Variants in GPC6 observed in about 807,000 individuals in gnomAD.
GPC6 encodes the protein glypican-6.
GPC6 carries 14 observed loss-of-function variants against 55.2 expected under a neutral mutation model. The ratio of observed to expected loss-of-function variants is 0.25; its 90% CI spans 0.17 to 0.40. The LOEUF is 0.40. GPC6 is among the 10% of genes least tolerant of loss of function. The pLI, the probability that GPC6 is intolerant of heterozygous loss-of-function variation, is 1.00. For missense variants in GPC6, 641 were observed against 708.5 expected (o/e 0.90, Z 1.08); for synonymous variants, 278 against 259.6 (o/e 1.07, Z -0.68).
chr13:93,281,539 C>T (rs965538208), intron 1 of GPC6, among the ~76,000 whole-genome samples: 8 of 152,144 alleles, frequency 5.3e-5, no homozygotes, highest in Non-Finnish European at 1.2e-4. Context: ...AATGGCTGGG[C>T]GCAGTGGCTT....
intron 2 of GPC6, among the ~76,000 whole-genome samples, chr13:93,826,090 C>T (rs1330230877): frequency 6.6e-6 from 1 of 151,888 alleles, no homozygotes; most frequent in Admixed American, 6.6e-5. Context: ...GAACTCCTGA[C>T]CTCAGGTGAT....
At chr13:93,618,023 A>T (rs1422471538) in intron 2 of GPC6, among the ~76,000 whole-genome samples, 1 of 152,078 alleles carries the variant, frequency 6.6e-6, no homozygotes, top group Non-Finnish European at 1.5e-5. Context: ...TAGGGAAAAA[A>T]TAATGTAGAG....
intron 2 of GPC6, among the ~76,000 whole-genome samples, chr13:93,595,645 G>A (rs561983537): frequency 1.3e-5 from 2 of 152,150 alleles, no homozygotes; most frequent in East Asian, 1.9e-4. Context: ...AAAATCTAAT[G>A]TCCTTCTGAT....
intron 1 of GPC6, among the ~76,000 whole-genome samples, chr13:93,497,762 G>A (rs1348352577): frequency 6.6e-6 from 1 of 152,180 alleles, no homozygotes; most frequent in Non-Finnish European, 1.5e-5. Flanking sequence ...TTTGTACCCT[G>A]TATTAACTGA....
At chr13:93,475,236 A>C (rs563388407) in intron 1 of GPC6, among the ~76,000 whole-genome samples, 11 of 152,334 alleles carry the variant, frequency 7.2e-5, no homozygotes, top group African/African-American at 2.6e-4. Flanking sequence ...AAAAGCAAGA[A>C]CACCTCTATT....
intron 2 of GPC6, among the ~76,000 whole-genome samples, chr13:93,574,071 T>G (rs930892591): frequency 6.6e-6 from 1 of 152,180 alleles, no homozygotes; most frequent in African/African-American, 2.4e-5. Context: ...TTGGTGTGGA[T>G]GTCTTGTAAT....
the GPC6 span, among the ~76,000 whole-genome samples, chr13:93,216,538 C>T: frequency 6.6e-6 from 1 of 151,952 alleles, no homozygotes; most frequent in South Asian, 2.1e-4. Context: ...CACACACACT[C>T]TTGTGTGTGC....
At position 93,654,315 on chromosome 13, in the gene GPC6, G is replaced by A. The variant is rs571684863; in HGVS notation, c.319+108894G>A. 5.3e-5 allele frequency among the ~76,000 whole-genome samples: 8 copies of A among 151,898 alleles called. No homozygotes were observed. The South Asian group carries it at 1.3e-3, about 24-fold the overall frequency. ...GTCGCCCAGGCTGGAGTGCAGTGGC[G>A]CCATCTTGGCTCACTATTATTACTA... is the stretch of plus-strand genomic sequence containing the variant. On this transcript the variant is annotated intron_variant, in intron 2 of 8. Transcript: ENST00000377047.
intron 3 of GPC6, among the ~76,000 whole-genome samples, chr13:93,939,837 A>G (rs1287533401): frequency 3.3e-5 from 5 of 152,156 alleles, no homozygotes; most frequent in Non-Finnish European, 7.3e-5. Context: ...TAAGTGTATT[A>G]TATACATTAT....
intron 2 of GPC6, among the ~76,000 whole-genome samples, chr13:93,807,900 G>A (rs992070644): frequency 6.6e-6 from 1 of 152,166 alleles, no homozygotes; most frequent in Non-Finnish European, 1.5e-5. Context: ...CTGTATCCAT[G>A]ACAAAGAGGT....
Position 94,407,920 on chromosome 13 carries a change from T to A in GPC6, c.*4703T>A, listed in dbSNP as rs142575555. ...ATCACTGGCTGTGAAAAACCACCAG[T>A]TGAAAATTATTCATTCCTTAATGCA... On this transcript the variant is annotated 3_prime_UTR_variant, in exon 9 of 9. Transcript: ENST00000377047. Among the ~76,000 whole-genome samples, 1 of 152,268 alleles carries A rather than the reference T, an allele frequency of 6.6e-6. No individual in the cohort carries two copies. The highest frequency in any genetic ancestry group is 6.5e-5 in the Admixed American group (1 of 15,292).
Position 93,912,404 on chromosome 13 carries a change from T to A in GPC6, c.711+81859T>A, listed in dbSNP as rs992827092. On this transcript the variant is annotated intron_variant, in intron 3 of 8. Coordinates refer to ENST00000377047, the MANE Select transcript of GPC6 (RefSeq NM_005708.5). ...TTGTTCATGATAGGGTGTATTAATT[T>A]CCTACAGCGGCTGTACCAAGTTATC... Among the ~76,000 whole-genome samples, 15 of 152,254 alleles carry A rather than the reference T, an allele frequency of 9.9e-5. No homozygotes were observed. The South Asian group carries it at 1.9e-3, about 19-fold the overall frequency.
intron 1 of GPC6, among the ~76,000 whole-genome samples, chr13:93,390,639 A>AT (rs1275619508): frequency 6.6e-6 from 1 of 152,158 alleles, no homozygotes; most frequent in African/African-American, 2.4e-5. Flanking sequence ...AGTTACATAC[A>AT]TTAGTCAATG....
chr13:93,251,149 T>A (rs2139028386), intron 1 of GPC6, among the ~76,000 whole-genome samples: 1 of 152,158 alleles, frequency 6.6e-6, no homozygotes, highest in Middle Eastern at 3.4e-3. Flanking sequence ...CAATTCAAGA[T>A]GAGATTTGGG....
intron 2 of GPC6, among the ~76,000 whole-genome samples, chr13:93,570,888 T>A (rs988570211): frequency 6.6e-6 from 1 of 152,064 alleles, no homozygotes; most frequent in African/African-American, 2.4e-5. Flanking sequence ...AACATAAATA[T>A]AAATTTGTCT....
chr13:93,707,886 T>G (rs1027911750), intron 2 of GPC6, among the ~76,000 whole-genome samples: 2 of 151,740 alleles, frequency 1.3e-5, no homozygotes. Context: ...TCGGCATAAT[T>G]CTGATAAAAC....
intron 4 of GPC6, among the ~76,000 whole-genome samples, chr13:94,191,198 A>T (rs1889382130): frequency 6.6e-6 from 1 of 152,208 alleles, no homozygotes; most frequent in Admixed American, 6.5e-5. Flanking sequence ...CATATGTATG[A>T]TATTGCACCT....
intron 6 of GPC6, among the ~76,000 whole-genome samples, chr13:94,347,621 T>A (rs72647631): frequency 1.3e-4 from 20 of 152,380 alleles, no homozygotes; most frequent in East Asian, 3.9e-4. Flanking sequence ...TATGATTTTT[T>A]AAAATAATTT....
chr13:93,584,349 A>G (rs1877086923), intron 2 of GPC6, among the ~76,000 whole-genome samples: 1 of 152,196 alleles, frequency 6.6e-6, no homozygotes, highest in South Asian at 2.1e-4. Context: ...GGGGGGTCCC[A>G]GAGACCATTT....
Sources: gnomAD v4.1 joint callset for allele counts (sites outside exome capture counted in the v4.1 genomes callset) on GRCh38, gnomAD v4.1.1 for gene constraint, MANE v1.5 for transcripts, NCBI Gene and HGNC (gene_info 2026-07-23, HGNC 2026-07-21) for gene names.